The following DNER variants were observed in gnomAD, a reference collection of about 807,000 sequenced individuals.
DNER encodes delta and Notch-like epidermal growth factor-related receptor.
DNER carries 33 observed loss-of-function variants against 78.2 expected under a neutral mutation model. The ratio of observed to expected loss-of-function variants is 0.42; its 90% CI spans 0.32 to 0.56. The LOEUF (loss-of-function observed/expected upper bound fraction) is 0.56. DNER is among the 20% of genes least tolerant of loss of function. DNER has a pLI of 0.11. For missense variants in DNER, 918 were observed against 975.3 expected (o/e 0.94, Z 0.78); for synonymous variants, 417 against 384.8 (o/e 1.08, Z -0.98).
At chr2:229,670,493 G>A (rs1699189082) in intron 1 of DNER, among the ~76,000 whole-genome samples, 2 of 152,244 alleles carry the variant, frequency 1.3e-5, no homozygotes, top group Non-Finnish European at 2.9e-5. Context: ...TAGCTGGACT[G>A]TAGGAATGAT....
At chr2:229,550,515 G>A (rs1696712837) in intron 4 of DNER, among the ~76,000 whole-genome samples, 1 of 152,092 alleles carries the variant, frequency 6.6e-6, no homozygotes, top group Non-Finnish European at 1.5e-5. Flanking sequence ...AGTGGCTCAT[G>A]CCTGTAATCT....
At chr2:229,387,245 A>G (rs986130932) in intron 11 of DNER, among the ~76,000 whole-genome samples, 1 of 152,056 alleles carries the variant, frequency 6.6e-6, no homozygotes, top group Non-Finnish European at 1.5e-5. Flanking sequence ...CAAACACCAC[A>G]TGTTCTCACT....
rs148167216 is a variant in DNER at position 229,431,507 on chromosome 2, T to C, written c.1487-13277A>G. Among the ~76,000 whole-genome samples the C allele has an allele frequency of 6.3e-4, 96 of 152,096 alleles. 1 individual carries two copies. The highest frequency in any genetic ancestry group is 2.2e-3 in the African/African-American group (92 of 41,468). On this transcript the variant is annotated intron_variant, in intron 8 of 12. Transcript: ENST00000341772. ...ATCTCTTCACAATGTTTTAGCTATG[T>C]CTTATGACTTTTTTTTTTAATGTTG... is the stretch of plus-strand genomic sequence containing the variant.
At chr2:229,558,880 G>A (rs947198974) in intron 4 of DNER, among the ~76,000 whole-genome samples, 4 of 152,128 alleles carry the variant, frequency 2.6e-5, no homozygotes, top group Non-Finnish European at 5.9e-5. Flanking sequence ...GAAGCAGGAG[G>A]GGCCAGATCA....
chr2:229,393,080 C>A (rs1433173253), intron 10 of DNER, among the ~76,000 whole-genome samples: 4 of 151,952 alleles, frequency 2.6e-5, no homozygotes, highest in Non-Finnish European at 2.9e-5. Context: ...AAAAAACAAG[C>A]CCAATGGAAC....
At chr2:229,456,317 A>G (rs1379834073) in intron 7 of DNER, among the ~76,000 whole-genome samples, 1 of 151,758 alleles carries the variant, frequency 6.6e-6, no homozygotes, top group East Asian at 1.9e-4. Context: ...TGAGTCACTC[A>G]TGATGGATCC....
At chr2:229,553,707 C>G (rs1696793098) in intron 4 of DNER, among the ~76,000 whole-genome samples, 1 of 152,198 alleles carries the variant, frequency 6.6e-6, no homozygotes, top group Non-Finnish European at 1.5e-5. Context: ...ACTTCAATCT[C>G]TATTGTGTAT....
At chr2:229,708,733 A>G (rs1000251640) in intron 1 of DNER, among the ~76,000 whole-genome samples, 1 of 152,250 alleles carries the variant, frequency 6.6e-6, no homozygotes, top group African/African-American at 2.4e-5. Flanking sequence ...GAGAAGCTTA[A>G]GCAAAGAAGC....
At chr2:229,678,341 A>G (rs1201408848) in intron 1 of DNER, among the ~76,000 whole-genome samples, 2 of 152,210 alleles carry the variant, frequency 1.3e-5, no homozygotes, top group East Asian at 1.9e-4. Flanking sequence ...ATGGGATTCT[A>G]CATGCCAGGG....
At chr2:229,621,693 A>C (rs7593572) in intron 1 of DNER, among the ~76,000 whole-genome samples, 22,244 of 152,082 alleles carry the variant, frequency 0.15, 1,800 homozygotes, top group Middle Eastern at 0.18. Flanking sequence ...ACCTGGATGC[A>C]CCTGGCCTGA....
rs34029070 is a variant in DNER, at chr2:229,387,863, C to CTGTGTGTG, written c.1855+394_1855+401dup. On this transcript the variant is annotated intron_variant, in intron 11 of 12. Transcript: ENST00000341772. ...CATAAATAAAAAGGTAATTTGCATT[C>CTGTGTGTG]TGTGTGTGTGTGTGTGTGTGTGTGT... Among the ~76,000 whole-genome samples the CTGTGTGTG allele has an allele frequency of 2.0e-3, 239 of 120,652 alleles. 1 individual carries two copies. Among genetic ancestry groups the CTGTGTGTG allele is most frequent in the African/African-American group, 6.4e-3 (224 of 34,988 alleles). 79.2% of individuals were successfully genotyped at this position (120,652 alleles called of 152,430 possible). A position where few individuals can be genotyped will look rare whatever the true frequency, so the allele number is the denominator to read the frequency against.
chr2:229,407,132 T>C, intron 10 of DNER, 100 bp downstream of exon 10: 3 of 999,928 alleles, frequency 3.0e-6, no homozygotes, highest in Non-Finnish European at 4.6e-6. Flanking sequence ...GTGTTTATAT[T>C]TTGCAATATT....
At chr2:229,494,007 T>C (rs1367998113) in intron 6 of DNER, among the ~76,000 whole-genome samples, 1 of 152,170 alleles carries the variant, frequency 6.6e-6, no homozygotes. Flanking sequence ...TCATATAACT[T>C]CGGGCAATAA....
At position 229,358,320 on chromosome 2, in the gene DNER, T is replaced by C. The variant is rs184209001; in HGVS notation, c.*220A>G. ...CACACACTAGTAGAAGCACACAGTT[T>C]AGAGAGCTGAAGGTACATTAAAACA... On this transcript the variant is annotated 3_prime_UTR_variant, in exon 13 of 13. Coordinates refer to ENST00000341772, the MANE Select transcript of DNER (RefSeq NM_139072.4). 1 of 342,996 alleles carries C rather than the reference T, an allele frequency of 2.9e-6. No homozygotes were observed. The highest frequency in any genetic ancestry group is 4.3e-5 in the Admixed American group (1 of 23,134). The allele number at this position is 342,996 out of a possible 1,614,324, so 21.2% of individuals were successfully genotyped here.
intron 1 of DNER, among the ~76,000 whole-genome samples, chr2:229,622,480 C>A (rs1377542247): frequency 6.6e-6 from 1 of 152,030 alleles, no homozygotes; most frequent in Non-Finnish European, 1.5e-5. Context: ...TTCTGCCCTG[C>A]GGGTCTTTGA....
At position 229,550,700 on chromosome 2, in the gene DNER, G is replaced by A. The variant is rs146332153; in HGVS notation, c.848-3608C>T. ...CTGAGGCAGGGGAATCGCTTGAACC[G>A]GGAGGCGGAGGTTGCAGTGAGCCGA... On this transcript the variant is annotated intron_variant, in intron 4 of 12. Coordinates refer to ENST00000341772, the MANE Select transcript of DNER (RefSeq NM_139072.4). 1.1e-3 allele frequency among the ~76,000 whole-genome samples: 163 copies of A among 152,168 alleles called. 1 individual carries two copies. Among genetic ancestry groups the A allele is most frequent in the African/African-American group, 3.6e-3 (148 of 41,534 alleles).
At chr2:229,474,369 C>A (rs1161224034) in intron 7 of DNER, among the ~76,000 whole-genome samples, 1 of 152,214 alleles carries the variant, frequency 6.6e-6, no homozygotes, top group African/African-American at 2.4e-5. Flanking sequence ...CCAGCAAATT[C>A]TTCTAAACTC....
chr2:229,389,061 C>T (rs1474867537), intron 10 of DNER, among the ~76,000 whole-genome samples: 1 of 151,782 alleles, frequency 6.6e-6, no homozygotes, highest in Non-Finnish European at 1.5e-5. Context: ...AGCATCAGGC[C>T]CACCTAAGGA....
rs115506582 is a variant in DNER, at chr2:229,443,544, T to C, written c.1486+3772A>G. Among the ~76,000 whole-genome samples, 1,346 of 152,320 alleles carry C rather than the reference T, an allele frequency of 8.8e-3. 25 individuals are homozygous for C. The highest frequency in any genetic ancestry group is 0.031 in the African/African-American group (1,289 of 41,552). ...GACATTTTATTATTTAATCTTAAAA[T>C]CCCATCAGAAATCCCTAGCCCGAAA... On this transcript the variant is annotated intron_variant, in intron 8 of 12. Coordinates refer to ENST00000341772, the MANE Select transcript of DNER (RefSeq NM_139072.4).
Sources: gnomAD v4.1 joint callset for allele counts (sites outside exome capture counted in the v4.1 genomes callset) on GRCh38, gnomAD v4.1.1 for gene constraint, MANE v1.5 for transcripts, NCBI Gene and HGNC (gene_info 2026-07-23, HGNC 2026-07-21) for gene names.